DGKB: variants seen among roughly 807,000 people sequenced by gnomAD.
The protein encoded by DGKB is 90 kDa diacylglycerol kinase.
A neutral mutation model predicts 114.3 loss-of-function variants in DGKB; 67 were observed. The observed-to-expected ratio is 0.59, with a 90% CI of 0.48 to 0.72. The LOEUF (loss-of-function observed/expected upper bound fraction) is 0.72, where lower values mean the gene tolerates loss of function less well. Ranked by LOEUF, DGKB falls within the 30% of genes least tolerant of loss-of-function variation. The pLI is 0.00. For synonymous variants in DGKB, 398 were observed against 323.1 expected, an observed-to-expected ratio of 1.23 and a Z score of -2.49; for missense variants, 907 against 975.2, an observed-to-expected ratio of 0.93 and a Z score of 0.93.
chr7:14,641,246 TGGTTTA>T (rs1811727440), intron 13 of DGKB, among the ~76,000 whole-genome samples: 1 of 22,508 alleles, frequency 4.4e-5, no homozygotes, highest in Admixed American at 7.5e-4. Flanking sequence ...TATAGGGATT[TGGTTTA>T]CAATATAGGG....
intron 23 of DGKB, among the ~76,000 whole-genome samples, chr7:14,317,318 T>C (rs2128521887): frequency 9.6e-6 from 1 of 104,286 alleles, no homozygotes; most frequent in African/African-American, 3.9e-5. Flanking sequence ...TAAGGGGTAT[T>C]CAATTAGGAA....
At chr7:14,840,744 A>C (rs56162503) in intron 2 of DGKB, among the ~76,000 whole-genome samples, 4,080 of 115,964 alleles carry the variant, frequency 0.035, 20 homozygotes, top group Non-Finnish European at 0.047. Flanking sequence ...ACACACACAC[A>C]CCTCTCCCTT....
chr7:14,751,342 CT>C (rs1586216329), intron 4 of DGKB, among the ~76,000 whole-genome samples: 1 of 152,086 alleles, frequency 6.6e-6, no homozygotes, highest in East Asian at 1.9e-4. Context: ...TTAAATACCA[CT>C]TTTCAAAGTT....
At chr7:14,750,800 T>TC (rs1484001378) in intron 4 of DGKB, among the ~76,000 whole-genome samples, 1 of 129,900 alleles carries the variant, frequency 7.7e-6, no homozygotes, top group Non-Finnish European at 1.6e-5. Flanking sequence ...TTTCTTTTTT[T>TC]TTTTTTTTTT....
At chr7:14,321,309 T>C (rs1807750698) in intron 23 of DGKB, among the ~76,000 whole-genome samples, 2 of 152,122 alleles carry the variant, frequency 1.3e-5, no homozygotes, top group South Asian at 2.1e-4. Flanking sequence ...AATTAAGCAA[T>C]GTAATTCTCC....
chr7:14,449,302 C>T (rs895222076), intron 21 of DGKB, among the ~76,000 whole-genome samples: 10 of 152,094 alleles, frequency 6.6e-5, no homozygotes, highest in African/African-American at 1.7e-4. Flanking sequence ...TTCTGTTTTA[C>T]GTGGTGTTAA....
intron 20 of DGKB, among the ~76,000 whole-genome samples, chr7:14,479,785 A>G (rs10258060): frequency 0.021 from 3,268 of 152,222 alleles, 93 homozygotes; most frequent in African/African-American, 0.073. Context: ...TATATGTAGC[A>G]TGATCAATTA....
chr7:14,321,496 A>C (rs984931437), intron 23 of DGKB, among the ~76,000 whole-genome samples: 1 of 152,054 alleles, frequency 6.6e-6, no homozygotes, highest in African/African-American at 2.4e-5. Flanking sequence ...GAAATGGTGA[A>C]CTATTGAAAT....
intron 17 of DGKB, among the ~76,000 whole-genome samples, chr7:14,591,887 C>A (rs1008195995): frequency 6.6e-6 from 1 of 151,908 alleles, no homozygotes; most frequent in Non-Finnish European, 1.5e-5. Context: ...GTACAAAGCA[C>A]ACCAGGAAAA....
intron 25 of DGKB, among the ~76,000 whole-genome samples, chr7:14,171,262 G>A (rs539825843): frequency 6.6e-6 from 1 of 152,294 alleles, no homozygotes; most frequent in Non-Finnish European, 1.5e-5. Context: ...TCACTTTGTA[G>A]AGTCTTCTTA....
chr7:14,468,392 G>A (rs1780791231), intron 21 of DGKB, among the ~76,000 whole-genome samples: 1 of 152,064 alleles, frequency 6.6e-6, no homozygotes, highest in Non-Finnish European at 1.5e-5. Context: ...GAACACAAGG[G>A]AACAGAAGCT....
chr7:14,736,876 T>C (rs1280747450), intron 4 of DGKB, among the ~76,000 whole-genome samples: 1 of 152,164 alleles, frequency 6.6e-6, no homozygotes, highest in Admixed American at 6.5e-5. Context: ...GAAATGGTGA[T>C]GGAAGACAAC....
intron 1 of DGKB, among the ~76,000 whole-genome samples, chr7:14,911,689 T>C (rs1247635053): frequency 6.6e-6 from 1 of 152,212 alleles, no homozygotes; most frequent in Non-Finnish European, 1.5e-5. Context: ...TGTGTCCACC[T>C]GCGGTTTTCA....
chr7:14,489,689 G>A (rs988080716), intron 20 of DGKB, among the ~76,000 whole-genome samples: 1 of 152,120 alleles, frequency 6.6e-6, no homozygotes, highest in South Asian at 2.1e-4. Flanking sequence ...CTGAAGTGGG[G>A]AATGACCAAA....
chr7:14,289,199 T>G (rs1801350591), intron 23 of DGKB, among the ~76,000 whole-genome samples: 1 of 152,020 alleles, frequency 6.6e-6, no homozygotes, highest in Non-Finnish European at 1.5e-5. Flanking sequence ...TATTTTGAAA[T>G]GTTGCATTGG....
intron 17 of DGKB, among the ~76,000 whole-genome samples, chr7:14,594,589 T>G (rs1802241238): frequency 2.0e-5 from 3 of 152,128 alleles, no homozygotes; most frequent in Admixed American, 1.3e-4. Flanking sequence ...AAATTCATCA[T>G]CTATAAAATT....
chr7:14,217,452 A>C (rs1039681193), intron 23 of DGKB, among the ~76,000 whole-genome samples: 40 of 152,128 alleles, frequency 2.6e-4, no homozygotes, highest in African/African-American at 9.4e-4. Context: ...CATTAAAGAA[A>C]AAAATCATCA....
chr7:14,597,788 G>A (rs1802846166), intron 17 of DGKB, among the ~76,000 whole-genome samples: 1 of 152,054 alleles, frequency 6.6e-6, no homozygotes, highest in Admixed American at 6.5e-5. Context: ...GTTCCTGGGT[G>A]ACTACTGAAT....
At chr7:14,454,799 G>A (rs1030711814) in intron 21 of DGKB, among the ~76,000 whole-genome samples, 1 of 151,708 alleles carries the variant, frequency 6.6e-6, no homozygotes, top group Non-Finnish European at 1.5e-5. Flanking sequence ...AAATTCTGAT[G>A]GGAATAAAAA....
Sources: gnomAD v4.1 joint callset for allele counts (sites outside exome capture counted in the v4.1 genomes callset) on GRCh38, gnomAD v4.1.1 for gene constraint, MANE v1.5 for transcripts, NCBI Gene and HGNC (gene_info 2026-07-23, HGNC 2026-07-21) for gene names.